ZBTB16: variants seen among roughly 807,000 people sequenced by gnomAD.
The protein encoded by ZBTB16 is zinc finger and BTB domain containing 16.
Under a neutral mutation model 56.8 loss-of-function variants are expected in ZBTB16, and 8 were observed. The observed-to-expected ratio is 0.14, with a 90% CI of 0.08 to 0.25. The LOEUF (loss-of-function observed/expected upper bound fraction) is 0.25, where lower values mean the gene tolerates loss of function less well. Ranked by LOEUF, ZBTB16 falls within the 10% of genes least tolerant of loss-of-function variation. The probability of loss-of-function intolerance (pLI) is 1.00; values close to 1 mark genes in which losing one functional copy is unlikely to be tolerated. For synonymous variants in ZBTB16, 363 were observed against 368.5 expected, an observed-to-expected ratio of 0.98 and a Z score of 0.17; for missense variants, 625 against 903.0, an observed-to-expected ratio of 0.69 and a Z score of 3.95.
At chr11:114,062,261 G>A (rs11822261) in intron 1 of ZBTB16, among the ~76,000 whole-genome samples, 10,120 of 151,922 alleles carry the variant, frequency 0.067, 825 homozygotes, top group African/African-American at 0.19. Context: ...GTGCCACCGC[G>A]CCTGGCTAAT....
chr11:114,089,050 C>T (rs1940076740), intron 2 of ZBTB16, among the ~76,000 whole-genome samples: 1 of 152,342 alleles, frequency 6.6e-6, no homozygotes, highest in Non-Finnish European at 1.5e-5. Context: ...TCTTTTCTCC[C>T]TCCTCACCCC....
At chr11:114,193,096 G>A (rs1478409871) in intron 4 of ZBTB16, among the ~76,000 whole-genome samples, 2 of 152,224 alleles carry the variant, frequency 1.3e-5, no homozygotes, top group African/African-American at 4.8e-5. Flanking sequence ...TCTGAATGTG[G>A]TGGTCTGGGC....
At chr11:114,148,429 CTCTCTCTT>C (rs1302586805) in intron 2 of ZBTB16, among the ~76,000 whole-genome samples, 106 of 34,200 alleles carry the variant, frequency 3.1e-3, no homozygotes, top group African/African-American at 6.2e-3. Context: ...CCCTCCCTCT[CTCTCTCTT>C]TCTCTCTCTC....
At chr11:114,192,911 G>A (rs1003364702) in intron 4 of ZBTB16, among the ~76,000 whole-genome samples, 7 of 152,228 alleles carry the variant, frequency 4.6e-5, no homozygotes, top group Admixed American at 4.6e-4. Flanking sequence ...GGAGCCAGCT[G>A]CCCTCTCAGC....
chr11:114,109,729 A>G (rs1014114141), intron 2 of ZBTB16, among the ~76,000 whole-genome samples: 3 of 152,030 alleles, frequency 2.0e-5, no homozygotes, highest in African/African-American at 7.3e-5. Context: ...ACTCAGAGAG[A>G]GCTGTCTGGG....
intron 3 of ZBTB16, among the ~76,000 whole-genome samples, chr11:114,161,600 G>C (rs77917745): frequency 0.023 from 3,444 of 152,250 alleles, 127 homozygotes; most frequent in African/African-American, 0.078. Flanking sequence ...AGGGGAAGCC[G>C]AAGCCACCTA....
intron 2 of ZBTB16, among the ~76,000 whole-genome samples, chr11:114,126,810 G>A (rs1395593361): frequency 6.6e-6 from 1 of 152,168 alleles, no homozygotes; most frequent in Non-Finnish European, 1.5e-5. Flanking sequence ...GACCCAGTGA[G>A]CTCCTTGACC....
At chr11:114,113,978 T>C (rs1030773690) in intron 2 of ZBTB16, among the ~76,000 whole-genome samples, 5 of 152,254 alleles carry the variant, frequency 3.3e-5, no homozygotes. Context: ...TCCCACTTCT[T>C]TTCTATTAGA....
At chr11:114,093,005 C>G (rs889715596) in intron 2 of ZBTB16, among the ~76,000 whole-genome samples, 1 of 152,056 alleles carries the variant, frequency 6.6e-6, no homozygotes, top group African/African-American at 2.4e-5. Context: ...CACACCACAC[C>G]ACACCCCAAA....
intron 2 of ZBTB16, among the ~76,000 whole-genome samples, chr11:114,144,113 T>C (rs993454420): frequency 6.6e-6 from 1 of 152,148 alleles, no homozygotes; most frequent in East Asian, 1.9e-4. Context: ...CGTCTCAGCA[T>C]TGATAAATGT....
chr11:114,248,011 C>T (rs1280825278), intron 6 of ZBTB16, among the ~76,000 whole-genome samples: 2 of 152,070 alleles, frequency 1.3e-5, no homozygotes. Context: ...GATTCTCCTG[C>T]CTCAGCCTCC....
chr11:114,072,178 G>A (rs1591638779), intron 2 of ZBTB16, among the ~76,000 whole-genome samples: 2 of 152,224 alleles, frequency 1.3e-5, no homozygotes, highest in African/African-American at 4.8e-5. Context: ...CCGTTCTTCC[G>A]CATAGGCGTC....
intron 4 of ZBTB16, among the ~76,000 whole-genome samples, chr11:114,204,034 C>T (rs583200): frequency 0.44 from 66,749 of 152,022 alleles, 15,525 homozygotes; most frequent in African/African-American, 0.58. Flanking sequence ...AAGCAAGACA[C>T]GGATGGTATT....
At chr11:114,237,772 T>A (rs1439676862) in intron 4 of ZBTB16, among the ~76,000 whole-genome samples, 1 of 152,198 alleles carries the variant, frequency 6.6e-6, no homozygotes, top group Non-Finnish European at 1.5e-5. Flanking sequence ...GATTTTTAAC[T>A]CGCATGCACC....
intron 2 of ZBTB16, among the ~76,000 whole-genome samples, chr11:114,070,635 A>G (rs764256038): frequency 1.4e-4 from 21 of 152,284 alleles, no homozygotes; most frequent in East Asian, 5.8e-4. Flanking sequence ...ATATAAGAAC[A>G]TGAGCATTGC....
intron 2 of ZBTB16, among the ~76,000 whole-genome samples, chr11:114,098,402 A>AT (rs1442973512): frequency 6.6e-6 from 1 of 152,106 alleles, no homozygotes; most frequent in Non-Finnish European, 1.5e-5. Context: ...TTCTAGGTTT[A>AT]TTTTAAACTT....
At chr11:114,169,273 G>T (rs2135004144) in intron 3 of ZBTB16, among the ~76,000 whole-genome samples, 1 of 152,296 alleles carries the variant, frequency 6.6e-6, no homozygotes, top group East Asian at 1.9e-4. Context: ...TAGACTTCAA[G>T]CGTCTTGGAG....
chr11:114,100,138 A>AT (rs1206709718), intron 2 of ZBTB16, among the ~76,000 whole-genome samples: 1 of 152,308 alleles, frequency 6.6e-6, no homozygotes, highest in South Asian at 2.1e-4. Flanking sequence ...CTGAGATCTG[A>AT]TTTTTTGTTT....
intron 2 of ZBTB16, among the ~76,000 whole-genome samples, chr11:114,086,308 C>T (rs1401599020): frequency 1.3e-5 from 2 of 152,006 alleles, no homozygotes; most frequent in Admixed American, 6.5e-5. Flanking sequence ...CTTGGATTGT[C>T]CTTCTTTTTC....
Sources: gnomAD v4.1 joint callset for allele counts (sites outside exome capture counted in the v4.1 genomes callset) on GRCh38, gnomAD v4.1.1 for gene constraint, MANE v1.5 for transcripts, NCBI Gene and HGNC (gene_info 2026-07-23, HGNC 2026-07-21) for gene names.